RPS6KC1: variants seen among roughly 807,000 people sequenced by gnomAD.
RPS6KC1 encodes the protein ribosomal protein S6 kinase C1.
RPS6KC1 carries 54 observed loss-of-function variants against 103.8 expected under a neutral mutation model. The ratio of observed to expected loss-of-function variants is 0.52; its 90% CI spans 0.42 to 0.65. The LOEUF (loss-of-function observed/expected upper bound fraction) is 0.65. Ranked by LOEUF, RPS6KC1 falls within the 30% of genes least tolerant of loss-of-function variation. RPS6KC1 has a pLI of 0.00. For missense variants in RPS6KC1, 1,151 were observed against 1,253.8 expected (o/e 0.92, Z 1.24); for synonymous variants, 439 against 438.7 (o/e 1.00, Z -0.01).
the RPS6KC1 span, among the ~76,000 whole-genome samples, chr1:213,407,216 GCGCA>G: frequency 0.19 from 17,947 of 92,682 alleles, 1,154 homozygotes; most frequent in South Asian, 0.38. Flanking sequence ...ACATGCACGC[GCGCA>G]CACACACACA....
the RPS6KC1 span, among the ~76,000 whole-genome samples, chr1:213,385,990 G>A: frequency 2.0e-5 from 3 of 152,184 alleles, no homozygotes; most frequent in South Asian, 6.2e-4. Context: ...GAATGTTTGT[G>A]CCCCTAAACC....
chr1:213,584,677 ATTGCAGGGAAACTGT>A, the RPS6KC1 span, among the ~76,000 whole-genome samples: 1 of 152,258 alleles, frequency 6.6e-6, no homozygotes, highest in African/African-American at 2.4e-5. Context: ...AAACTCAGGA[ATTGCAGGGAAACTGT>A]TTAATTTCCT....
intron 8 of RPS6KC1, among the ~76,000 whole-genome samples, chr1:213,217,567 A>G (rs1379564047): frequency 2.6e-5 from 4 of 152,220 alleles, no homozygotes; most frequent in African/African-American, 9.6e-5. Flanking sequence ...GAGACACAAC[A>G]ACAAAAGAGA....
At chr1:213,739,027 G>C in the RPS6KC1 span, among the ~76,000 whole-genome samples, 1 of 151,620 alleles carries the variant, frequency 6.6e-6, no homozygotes, top group African/African-American at 2.4e-5. Flanking sequence ...TCTTGAAACA[G>C]AGAATACAGT....
the RPS6KC1 span, among the ~76,000 whole-genome samples, chr1:213,460,036 G>T: frequency 6.6e-6 from 1 of 152,178 alleles, no homozygotes; most frequent in Non-Finnish European, 1.5e-5. Context: ...GTGCAATGTG[G>T]TGCTGAGAAG....
At chr1:213,102,222 C>T (rs1365935222) in intron 3 of RPS6KC1, among the ~76,000 whole-genome samples, 1 of 152,152 alleles carries the variant, frequency 6.6e-6, no homozygotes, top group East Asian at 1.9e-4. Context: ...GGCAGCTGCC[C>T]AGTGATCTGG....
the RPS6KC1 span, among the ~76,000 whole-genome samples, chr1:213,601,881 C>T: frequency 1.9e-4 from 29 of 151,500 alleles, no homozygotes; most frequent in Admixed American, 5.3e-4. Flanking sequence ...TTTCTTCCTT[C>T]CTTTTTTCCT....
At chr1:213,820,907 G>A in the RPS6KC1 span, 7 of 152,052 alleles carry the variant, frequency 4.6e-5, no homozygotes, top group Non-Finnish European at 1.0e-4. Flanking sequence ...GAGAGACCTG[G>A]AAAGTCTCAT....
At chr1:213,060,955 G>T (rs187707872) in intron 1 of RPS6KC1, among the ~76,000 whole-genome samples, 1 of 151,898 alleles carries the variant, frequency 6.6e-6, no homozygotes, top group East Asian at 1.9e-4. Flanking sequence ...AGTTCTGAAG[G>T]CTGCAGGCTG....
chr1:213,812,228 G>A, the RPS6KC1 span, among the ~76,000 whole-genome samples: 68 of 152,258 alleles, frequency 4.5e-4, no homozygotes, highest in African/African-American at 1.6e-3. Flanking sequence ...AAGAAAGGGA[G>A]AAAGGAAGGA....
the RPS6KC1 span, among the ~76,000 whole-genome samples, chr1:213,753,915 C>T: frequency 2.0e-5 from 3 of 152,154 alleles, no homozygotes; most frequent in Non-Finnish European, 2.9e-5. Context: ...TACAGGCAAG[C>T]GCTGGAGAAG....
chr1:213,119,425 CATATATATATATATATATATATAT>C (rs757888943), intron 5 of RPS6KC1, among the ~76,000 whole-genome samples: 59 of 90,946 alleles, frequency 6.5e-4, no homozygotes, highest in Admixed American at 2.8e-3. Context: ...CCAGCCTGGG[CATATATATATATATATATATATAT>C]ATATATATAT....
the RPS6KC1 span, among the ~76,000 whole-genome samples, chr1:213,305,261 A>G: frequency 6.6e-6 from 1 of 151,122 alleles, no homozygotes; most frequent in Admixed American, 6.6e-5. Flanking sequence ...ATTTTTTCTT[A>G]TTAGTAGAGA....
the RPS6KC1 span, among the ~76,000 whole-genome samples, chr1:213,848,182 G>A: frequency 6.6e-6 from 1 of 152,042 alleles, no homozygotes. Flanking sequence ...TCTATTTAAA[G>A]TATACAATTC....
chr1:213,637,739 C>CAGTACTAGCCAGTA, the RPS6KC1 span, among the ~76,000 whole-genome samples: 2 of 152,080 alleles, frequency 1.3e-5, no homozygotes, highest in Admixed American at 1.3e-4. Flanking sequence ...ACCACCTAGC[C>CAGTACTAGCCAGTA]CTTGGTAATG....
intron 7 of RPS6KC1, 69 bp downstream of exon 7, chr1:213,168,042 C>A: frequency 1.1e-6 from 1 of 912,278 alleles, no homozygotes; most frequent in South Asian, 1.6e-5. Context: ...TGCTTTATTT[C>A]TAATTAGAAT....
chr1:213,430,657 C>T, the RPS6KC1 span, among the ~76,000 whole-genome samples: 1 of 152,110 alleles, frequency 6.6e-6, no homozygotes, highest in Non-Finnish European at 1.5e-5. Context: ...CCCATCTGCT[C>T]CTGGTATTTT....
At chr1:213,675,240 A>T in the RPS6KC1 span, among the ~76,000 whole-genome samples, 10 of 152,308 alleles carry the variant, frequency 6.6e-5, 1 homozygote, top group African/African-American at 2.4e-4. Context: ...CAATGCAAAG[A>T]CTTTCTCTTA....
the RPS6KC1 span, among the ~76,000 whole-genome samples, chr1:213,434,266 C>T: frequency 6.6e-6 from 1 of 151,982 alleles, no homozygotes; most frequent in African/African-American, 2.4e-5. Flanking sequence ...ATTGTGTCAG[C>T]TTTTGTATTT....
Sources: gnomAD v4.1 joint callset for allele counts (sites outside exome capture counted in the v4.1 genomes callset) on GRCh38, gnomAD v4.1.1 for gene constraint, MANE v1.5 for transcripts, NCBI Gene and HGNC (gene_info 2026-07-23, HGNC 2026-07-21) for gene names.